NRXN3: variants seen among roughly 807,000 people sequenced by gnomAD.
The protein encoded by NRXN3 is neurexin III.
NRXN3 carries 32 observed loss-of-function variants against 137.6 expected under a neutral mutation model. That is an observed-to-expected ratio of 0.23 (90% CI 0.18 to 0.31). NRXN3 has a LOEUF of 0.31. NRXN3 is among the 10% of genes least tolerant of loss of function. The pLI, the probability that NRXN3 is intolerant of heterozygous loss-of-function variation, is 1.00. For synonymous variants in NRXN3, 798 were observed against 784.5 expected (o/e 1.02, Z -0.29); for missense variants, 1,574 against 2,062.5 (o/e 0.76, Z 4.59).
intron 19 of NRXN3, among the ~76,000 whole-genome samples, chr14:79,763,859 C>T (rs763494193): frequency 5.9e-5 from 9 of 151,392 alleles, no homozygotes; most frequent in Non-Finnish European, 8.8e-5. Context: ...ATTTGGGTGG[C>T]GGGGTGGGGC....
Position 78,473,476 on chromosome 14 carries a change from G to C in NRXN3, c.758-171644G>C, listed in dbSNP as rs115041845. 3.0e-3 allele frequency among the ~76,000 whole-genome samples: 457 copies of C among 152,194 alleles called. 8 individuals are homozygous for C. The highest frequency in any genetic ancestry group is 0.011 in the African/African-American group (439 of 41,520). ...AATGGACTAAATTAAAAAAGAAAGG[G>C]AAGAAGTAACTTTATCTGGGATACC... On this transcript the variant is annotated intron_variant, in intron 4 of 20. Transcript: ENST00000335750.
chr14:78,432,964 A>G (rs901343795), intron 4 of NRXN3, among the ~76,000 whole-genome samples: 1 of 152,206 alleles, frequency 6.6e-6, no homozygotes, highest in Admixed American at 6.5e-5. Flanking sequence ...ATTACCTCAA[A>G]CTTAGTGGCT....
chr14:78,852,528 A>G (rs920029392), intron 10 of NRXN3, among the ~76,000 whole-genome samples: 6 of 152,044 alleles, frequency 3.9e-5, no homozygotes, highest in African/African-American at 1.4e-4. Context: ...GAATCAACCT[A>G]CTTTCTTATT....
chr14:79,509,604 T>C (rs1280794381), intron 16 of NRXN3, among the ~76,000 whole-genome samples: 1 of 151,540 alleles, frequency 6.6e-6, no homozygotes, highest in East Asian at 1.9e-4. Context: ...TATGTGTATA[T>C]ATGTATATAT....
At chr14:79,087,724 C>T (rs182047368) in intron 15 of NRXN3, among the ~76,000 whole-genome samples, 151 of 152,290 alleles carry the variant, frequency 9.9e-4, no homozygotes, top group Middle Eastern at 6.8e-3. Flanking sequence ...AACCAATGCT[C>T]CCCTTTCCCT....
chr14:79,367,351 GATGC>G (rs1252415257), intron 15 of NRXN3, among the ~76,000 whole-genome samples: 1 of 152,174 alleles, frequency 6.6e-6, no homozygotes, highest in African/African-American at 2.4e-5. Context: ...GCAGGTTTTG[GATGC>G]ATGGCAGGCT....
chr14:78,518,661 G>T (rs557113819), intron 4 of NRXN3, among the ~76,000 whole-genome samples: 1 of 152,056 alleles, frequency 6.6e-6, no homozygotes, highest in Non-Finnish European at 1.5e-5. Flanking sequence ...TTTACCAGAG[G>T]CAAGAATTCA....
At chr14:78,425,483 C>G (rs1211631950) in intron 4 of NRXN3, among the ~76,000 whole-genome samples, 1 of 152,096 alleles carries the variant, frequency 6.6e-6, no homozygotes, top group Non-Finnish European at 1.5e-5. Flanking sequence ...TCAGATTGGA[C>G]CAGGTGGTGC....
chr14:78,207,703 C>A (rs2153406703), intron 1 of NRXN3, among the ~76,000 whole-genome samples: 1 of 152,314 alleles, frequency 6.6e-6, no homozygotes, highest in African/African-American at 2.4e-5. Flanking sequence ...TCTTTCCCCA[C>A]CACGTTAGTC....
intron 19 of NRXN3, among the ~76,000 whole-genome samples, chr14:79,751,878 T>A (rs2098999069): frequency 6.6e-6 from 1 of 152,058 alleles, no homozygotes; most frequent in South Asian, 2.1e-4. Context: ...TTACATTGAT[T>A]GATTTGCATA....
intron 20 of NRXN3, among the ~76,000 whole-genome samples, chr14:79,813,607 T>A (rs2140899085): frequency 6.6e-6 from 1 of 152,272 alleles, no homozygotes; most frequent in Admixed American, 6.5e-5. Context: ...TCCTCCCCTT[T>A]CAGCATATCC....
At chr14:78,604,617 C>A (rs1259175691) in intron 4 of NRXN3, among the ~76,000 whole-genome samples, 2 of 152,090 alleles carry the variant, frequency 1.3e-5, no homozygotes, top group Non-Finnish European at 2.9e-5. Flanking sequence ...GCCTGTTTGG[C>A]CCTGCAAAGG....
At chr14:78,493,436 T>A (rs1567748259) in intron 4 of NRXN3, among the ~76,000 whole-genome samples, 1 of 151,408 alleles carries the variant, frequency 6.6e-6, no homozygotes, top group Non-Finnish European at 1.5e-5. Context: ...GGCAGGAGAA[T>A]CACTTGAACC....
chr14:78,202,326 CT>C (rs1474711021), intron 1 of NRXN3, among the ~76,000 whole-genome samples: 3 of 152,238 alleles, frequency 2.0e-5, no homozygotes, highest in Non-Finnish European at 2.9e-5. Flanking sequence ...TTAGATCAGC[CT>C]CTGCAAAAGG....
chr14:78,195,432 A>G (rs2061140433), intron 1 of NRXN3, among the ~76,000 whole-genome samples: 1 of 152,212 alleles, frequency 6.6e-6, no homozygotes, highest in Non-Finnish European at 1.5e-5. Context: ...TTCTGCTTTC[A>G]TAGAGCCATG....
At chr14:78,211,378 C>T (rs957922506) in intron 1 of NRXN3, among the ~76,000 whole-genome samples, 1 of 152,182 alleles carries the variant, frequency 6.6e-6, no homozygotes, top group Non-Finnish European at 1.5e-5. Flanking sequence ...TCAGTGTTCA[C>T]TTAGTTTTTC....
chr14:79,161,135 A>G (rs909013786), intron 15 of NRXN3, among the ~76,000 whole-genome samples: 16 of 151,960 alleles, frequency 1.1e-4, no homozygotes, highest in African/African-American at 3.1e-4. Context: ...TTGAATTCCT[A>G]TATTGAGAGA....
chr14:78,657,731 GGT>G (rs1485238205), intron 6 of NRXN3, among the ~76,000 whole-genome samples: 7 of 152,180 alleles, frequency 4.6e-5, no homozygotes, highest in Non-Finnish European at 1.0e-4. Flanking sequence ...GTCCACATCT[GGT>G]GAGCCAAGCT....
chr14:78,624,298 T>G (rs1454800729), intron 4 of NRXN3, among the ~76,000 whole-genome samples: 1 of 152,234 alleles, frequency 6.6e-6, no homozygotes, highest in Non-Finnish European at 1.5e-5. Context: ...ATGTCTTGAT[T>G]ACATTGGATT....
Sources: gnomAD v4.1 joint callset for allele counts (sites outside exome capture counted in the v4.1 genomes callset) on GRCh38, gnomAD v4.1.1 for gene constraint, MANE v1.5 for transcripts, NCBI Gene and HGNC (gene_info 2026-07-23, HGNC 2026-07-21) for gene names.